LTBP2: variants seen among roughly 807,000 people sequenced by gnomAD.
The protein encoded by LTBP2 is latent-transforming growth factor beta-binding protein 2.
Under a neutral mutation model 210.6 loss-of-function variants are expected in LTBP2, and 103 were observed. The ratio of observed to expected loss-of-function variants is 0.49; its 90% confidence interval spans 0.42 to 0.58. The LOEUF (loss-of-function observed/expected upper bound fraction) is 0.58. Among genes scored for constraint, LTBP2 ranks in the 20% least tolerant of loss-of-function variants. The pLI, the probability that LTBP2 is intolerant of heterozygous loss-of-function variation, is 0.00. For synonymous variants in LTBP2, 1,007 were observed against 1,015.0 expected, an observed-to-expected ratio of 0.99 and a Z score of 0.15; for missense variants, 2,313 against 2,494.5, an observed-to-expected ratio of 0.93 and a Z score of 1.55.
intron 2 of LTBP2, among the ~76,000 whole-genome samples, chr14:74,594,981 C>T (rs561560788): frequency 7.3e-4 from 111 of 152,348 alleles, no homozygotes; most frequent in Non-Finnish European, 1.3e-3. Context: ...TGGCTCAGGA[C>T]GGCTGGAAAC....
rs1377797214 is a variant in LTBP2 at position 74,529,129 on chromosome 14, C to G, written c.1988-7G>C. On this transcript the variant is annotated splice_region_variant and splice_polypyrimidine_tract_variant and intron_variant, in intron 10 of 35. Coordinates refer to ENST00000261978, the MANE Select transcript of LTBP2 (RefSeq NM_000428.3). ...ATGGAGATTGCCTTGTCCGCTGCAA[C>G]AGACACAGCACGTGGAGGTGGGCAG... The G allele has an allele frequency of 5.8e-6, 9 of 1,551,230 alleles. No homozygotes were observed. The highest frequency in any genetic ancestry group is 7.8e-6 in the Non-Finnish European group (9 of 1,147,132).
intron 18 of LTBP2, among the ~76,000 whole-genome samples, chr14:74,512,819 AAC>A (rs2087088788): frequency 6.6e-6 from 1 of 152,242 alleles, no homozygotes; most frequent in East Asian, 1.9e-4. Flanking sequence ...CACCAGCCTT[AAC>A]TATTCTAAGG....
chr14:74,532,318 C>A, intron 10 of LTBP2, 108 bp downstream of exon 10: 1 of 1,480,220 alleles, frequency 6.8e-7, no homozygotes, highest in South Asian at 1.1e-5. Context: ...CTGAGCATGG[C>A]GTGATCAGGT....
At chr14:74,515,352 G>A (rs921710554) in intron 18 of LTBP2, among the ~76,000 whole-genome samples, 10 of 150,986 alleles carry the variant, frequency 6.6e-5, no homozygotes, top group Admixed American at 6.6e-4. Context: ...CACGTCCTGG[G>A]TTCAAGTGAT....
In LTBP2 at chr14:74,535,994, G is replaced by A. The variant is rs139018077; in HGVS notation, c.1796C>T (p.Pro599Leu). The A allele has an allele frequency of 1.0e-3, 1,661 of 1,613,928 alleles. 3 individuals are homozygous for A. Among genetic ancestry groups the A allele is most frequent in the Non-Finnish European group, 1.2e-3 (1,370 of 1,179,852 alleles). ...CAPCPPRPAS[P>L]VIENGQLECP... ...CTCCAGCTGGCCATTCTCAATCACC[G>A]GGGAGGCTGAAGAGTGGAGATACGG... Residue 599 changes from proline (P) to leucine (L), a missense_variant, in exon 9 of 36, where the codon CCG becomes CTG. Physicochemically the swap from Pro to Leu is moderately conservative, Grantham distance 98. Around this residue, in one of 3 missense-constraint regions of LTBP2, gnomAD observed 1,867 missense variants for 1,976.9 expected, o/e 0.94. Transcript: ENST00000261978.
intron 2 of LTBP2, among the ~76,000 whole-genome samples, chr14:74,593,321 T>G (rs1224232264): frequency 6.6e-6 from 1 of 152,178 alleles, no homozygotes; most frequent in Non-Finnish European, 1.5e-5. Context: ...CATTGGCTAC[T>G]GGGTAGTAGC....
intron 3 of LTBP2, among the ~76,000 whole-genome samples, chr14:74,579,093 G>A (rs147405408): frequency 0.03 from 4,567 of 152,302 alleles, 216 homozygotes; most frequent in African/African-American, 0.1. Flanking sequence ...CTGACCTCGG[G>A]TGATCCACCC....
At chr14:74,523,232 C>G (rs1264443904) in intron 15 of LTBP2, among the ~76,000 whole-genome samples, 2 of 152,094 alleles carry the variant, frequency 1.3e-5, no homozygotes, top group African/African-American at 4.8e-5. Flanking sequence ...CGAAAATGGG[C>G]CTGACTCCTA....
At position 74,499,896 on chromosome 14, in the gene LTBP2, GAA is replaced by G; in HGVS notation, c.*986_*987del. 4.3e-6 allele frequency: 1 copy of G among 231,142 alleles called. No individual in the cohort carries two copies. Among genetic ancestry groups the G allele is most frequent in the East Asian group, 6.1e-5 (1 of 16,338 alleles). The allele number at this position is 231,142 out of a possible 1,614,324, so 14.3% of individuals were successfully genotyped here. Reference sequence around the variant, plus strand: ...AGGGCAGGGGTTTCTGAGTGGAGGGGAAAAACAACATTGGAAATCTGGCTGCT... The same window carrying G: ...AGGGCAGGGGTTTCTGAGTGGAGGGGAAACAACATTGGAAATCTGGCTGCT... On this transcript the variant is annotated 3_prime_UTR_variant, in exon 36 of 36. Transcript: ENST00000261978.
chr14:74,569,453 A>C (rs2139770401), intron 3 of LTBP2, among the ~76,000 whole-genome samples: 1 of 152,216 alleles, frequency 6.6e-6, no homozygotes, highest in East Asian at 1.9e-4. Context: ...GGAATGTTGA[A>C]CTGAAGGACT....
intron 2 of LTBP2, among the ~76,000 whole-genome samples, chr14:74,597,158 A>C (rs1453683515): frequency 1.3e-5 from 2 of 152,208 alleles, no homozygotes; most frequent in African/African-American, 4.8e-5. Flanking sequence ...CAGGACAGAG[A>C]ACACCATGAG....
At position 74,509,237 on chromosome 14, in the gene LTBP2, C is replaced by T. The variant is rs754809197; in HGVS notation, c.3403+1G>A. On this transcript the variant is annotated splice_donor_variant, in intron 22 of 35. Transcript: ENST00000261978. LOFTEE classifies it high-confidence loss of function. ...ATCCTCTCCCACACAGAGGCTCATA[C>T]CTTCACAGGAGTCACCCAGGGGGCT... The T allele has an allele frequency of 6.2e-7, 1 of 1,613,606 alleles. No individual in the cohort carries two copies. Among genetic ancestry groups the T allele is most frequent in the Non-Finnish European group, 8.5e-7 (1 of 1,179,982 alleles).
chr14:74,534,182 C>T (rs2087389207), intron 9 of LTBP2, among the ~76,000 whole-genome samples: 1 of 152,166 alleles, frequency 6.6e-6, no homozygotes, highest in Non-Finnish European at 1.5e-5. Context: ...ATGTGGGCCT[C>T]CATACCCAAA....
chr14:74,590,546 C>T (rs956065433), intron 2 of LTBP2, among the ~76,000 whole-genome samples: 2 of 152,030 alleles, frequency 1.3e-5, no homozygotes, highest in African/African-American at 2.4e-5. Flanking sequence ...GAGCCGAGAT[C>T]GTGCTACTGC....
chr14:74,538,293 G>C (rs1049621248), intron 8 of LTBP2, among the ~76,000 whole-genome samples: 2 of 151,974 alleles, frequency 1.3e-5, no homozygotes, highest in African/African-American at 2.4e-5. Context: ...TAGTCTTCTC[G>C]ATCATTTGGA....
intron 3 of LTBP2, among the ~76,000 whole-genome samples, chr14:74,560,826 T>A (rs1451453818): frequency 6.6e-6 from 1 of 152,208 alleles, no homozygotes; most frequent in Non-Finnish European, 1.5e-5. Context: ...CTGTATTAGG[T>A]ATTATAAGTA....
intron 3 of LTBP2, among the ~76,000 whole-genome samples, chr14:74,573,570 T>C (rs1425320725): frequency 3.3e-5 from 5 of 152,196 alleles, no homozygotes; most frequent in African/African-American, 1.2e-4. Flanking sequence ...CCCTCTCCTA[T>C]AGCCTGAGCT....
chr14:74,511,556 T>C (rs183116771), intron 18 of LTBP2, among the ~76,000 whole-genome samples, 192 bp from the exon 19 acceptor site: 1 of 152,082 alleles, frequency 6.6e-6, no homozygotes, highest in Non-Finnish European at 1.5e-5. Flanking sequence ...AAGAGGGAGA[T>C]GGAAGAACTT....
At chr14:74,590,783 AG>A (rs2088271848) in intron 2 of LTBP2, among the ~76,000 whole-genome samples, 1 of 634 alleles carries the variant, frequency 1.6e-3, no homozygotes, top group South Asian at 0.05. Context: ...GAGCTAAGCT[AG>A]CTAAGCTATG....
Sources: allele counts gnomAD v4.1 joint callset (sites outside exome capture counted in the v4.1 genomes callset), GRCh38; gene constraint gnomAD v4.1.1; regional missense constraint gnomAD v4.1.1; transcripts MANE v1.5; gene names NCBI Gene and HGNC (gene_info 2026-07-23, HGNC 2026-07-21).